The following NWD2 variants were observed in gnomAD, a reference collection of about 807,000 sequenced individuals.
NWD2 encodes NACHT and WD repeat domain containing 2, also known as NACHT and WD repeat domain-containing protein 2.
A neutral mutation model predicts 132.7 loss-of-function variants in NWD2; 37 were observed. The ratio of observed to expected loss-of-function variants is 0.28; its 90% CI spans 0.21 to 0.37. The LOEUF is 0.37. Among genes scored for constraint, NWD2 ranks in the 10% least tolerant of loss-of-function variants. The pLI is 1.00. For synonymous variants in NWD2, 705 were observed against 803.0 expected, an observed-to-expected ratio of 0.88 and a Z score of 2.06; for missense variants, 1,592 against 2,122.4, an observed-to-expected ratio of 0.75 and a Z score of 4.91.
intron 3 of NWD2, among the ~76,000 whole-genome samples, chr4:37,422,749 G>A (rs890906563): frequency 6.6e-6 from 1 of 152,162 alleles, no homozygotes; most frequent in Non-Finnish European, 1.5e-5. Flanking sequence ...CAAGGGAACA[G>A]TTTTATCTCT....
intron 1 of NWD2, among the ~76,000 whole-genome samples, chr4:37,290,504 CTT>C (rs1455377095): frequency 5.9e-5 from 9 of 152,146 alleles, no homozygotes; most frequent in African/African-American, 2.2e-4. Context: ...GCAGATATAA[CTT>C]AGTCCTTCTG....
chr4:37,434,774 AC>A (rs1712271545), intron 5 of NWD2, among the ~76,000 whole-genome samples: 1 of 139,446 alleles, frequency 7.2e-6, no homozygotes, highest in Non-Finnish European at 1.5e-5. Flanking sequence ...AGATAGCTTT[AC>A]TTTTTTTTTT....
At chr4:37,339,928 C>T (rs1012292747) in intron 2 of NWD2, among the ~76,000 whole-genome samples, 5 of 150,992 alleles carry the variant, frequency 3.3e-5, no homozygotes, top group African/African-American at 9.7e-5. Context: ...TTAGAACAAG[C>T]GGTATTTGAA....
intron 1 of NWD2, among the ~76,000 whole-genome samples, chr4:37,286,971 C>T (rs7686760): frequency 0.19 from 28,690 of 152,000 alleles, 3,546 homozygotes; most frequent in Middle Eastern, 0.32. Context: ...TCAGGGTATC[C>T]AGGTTCTCTC....
At chr4:37,408,444 C>T (rs548817939) in intron 3 of NWD2, among the ~76,000 whole-genome samples, 34 of 152,342 alleles carry the variant, frequency 2.2e-4, no homozygotes, top group Non-Finnish European at 4.1e-4. Flanking sequence ...GAGCCCACTG[C>T]AGCTCAGCAA....
intron 3 of NWD2, among the ~76,000 whole-genome samples, chr4:37,371,391 T>A (rs1720227717): frequency 6.6e-6 from 1 of 152,140 alleles, no homozygotes; most frequent in African/African-American, 2.4e-5. Flanking sequence ...TTCAATATGT[T>A]AAGCAATAAG....
At chr4:37,324,514 G>A (rs1179893348) in intron 1 of NWD2, among the ~76,000 whole-genome samples, 2 of 152,052 alleles carry the variant, frequency 1.3e-5, no homozygotes, top group East Asian at 3.9e-4. Flanking sequence ...AAGGGAGGAT[G>A]GGCATTCTGA....
chr4:37,442,727 A>G (rs1457276372), intron 6 of NWD2, among the ~76,000 whole-genome samples: 1 of 152,188 alleles, frequency 6.6e-6, no homozygotes, highest in East Asian at 1.9e-4. Context: ...CTAAATCATA[A>G]AAGATTATAT....
chr4:37,440,637 C>T (rs6531536), intron 6 of NWD2, among the ~76,000 whole-genome samples: 65,074 of 151,982 alleles, frequency 0.43, 14,318 homozygotes, highest in East Asian at 0.58. Context: ...CTGATCCCCA[C>T]CATTTTTCCC....
Position 37,444,203 on chromosome 4 carries a change from C to T in NWD2, c.2215C>T (p.Leu739Phe). Residue 739 changes from leucine to phenylalanine, a missense_variant, in exon 7 of 7, where the codon CTC (leucine) becomes TTC (phenylalanine). Around this residue, in one of 7 missense-constraint regions of NWD2, gnomAD observed 1,071 missense variants for 1,398.0 expected, o/e 0.77. Coordinates refer to ENST00000309447, the MANE Select transcript of NWD2 (RefSeq NM_001144990.2). This position sits in a 1 kb window ranked among gnomAD's most constrained non-coding sequence, Gnocchi z 4.8. ...AGTCTGGGCCAACAGACACCTGCAGCTCATAGCCCAGAAGCTATATCTGCA... is the reference window on the plus strand; with the variant it reads ...AGTCTGGGCCAACAGACACCTGCAGTTCATAGCCCAGAAGCTATATCTGCA... ...LLVWANRHLQ[L>F]IAQKLYLQDD... The T allele has an allele frequency of 1.3e-6, 2 of 1,551,640 alleles. No homozygotes were observed. The highest frequency in any genetic ancestry group is 1.7e-4 in the Middle Eastern group (1 of 5,994).
intron 3 of NWD2, among the ~76,000 whole-genome samples, chr4:37,395,351 C>T (rs12502826): frequency 0.67 from 101,414 of 150,304 alleles, 34,437 homozygotes; most frequent in South Asian, 0.74. Context: ...GTTTGTTTTC[C>T]TTTTTGCATC....
chr4:37,422,707 C>G (rs762439355), intron 3 of NWD2, among the ~76,000 whole-genome samples: 7 of 152,268 alleles, frequency 4.6e-5, no homozygotes, highest in Non-Finnish European at 1.0e-4. Context: ...TCTCATGATG[C>G]ACCAGAGGAG....
intron 1 of NWD2, among the ~76,000 whole-genome samples, chr4:37,274,620 C>T (rs1184631794): frequency 2.0e-5 from 3 of 151,964 alleles, no homozygotes; most frequent in Non-Finnish European, 4.4e-5. Flanking sequence ...CTGGCAGAGA[C>T]ACAACAAAAA....
At chr4:37,389,782 C>T (rs983043676) in intron 3 of NWD2, among the ~76,000 whole-genome samples, 39 of 116,326 alleles carry the variant, frequency 3.4e-4, no homozygotes, top group Non-Finnish European at 6.4e-4. Flanking sequence ...TCAAATCATA[C>T]GCATTTTTTT....
chr4:37,342,945 C>G (rs1037269203), intron 2 of NWD2, among the ~76,000 whole-genome samples: 2 of 152,046 alleles, frequency 1.3e-5, no homozygotes, highest in African/African-American at 4.8e-5. Context: ...ATCATGCCCT[C>G]CTATATATCC....
Position 37,439,409 on chromosome 4 carries a change from C to G in NWD2, c.1296+19C>G. 1 of 1,383,214 alleles carries G rather than the reference C, an allele frequency of 7.2e-7. No homozygotes were observed. The highest frequency in any genetic ancestry group is 1.7e-5 in the South Asian group (1 of 58,668). 85.7% of individuals were successfully genotyped at this position (1,383,214 alleles called of 1,614,324 possible). A position where few individuals can be genotyped will look rare whatever the true frequency, so the allele number is the denominator to read the frequency against. ...AAAGAAGGTAAAAGCCTATTCTTTC[C>G]CGTGTATATTTGTAAAAACTTGTAC... On this transcript the variant is annotated intron_variant, in intron 6 of 6. Transcript: ENST00000309447. This position sits in a 1 kb window ranked among gnomAD's most constrained non-coding sequence, Gnocchi z 4.5.
At chr4:37,314,742 C>T (rs1718924272) in intron 1 of NWD2, among the ~76,000 whole-genome samples, 1 of 151,996 alleles carries the variant, frequency 6.6e-6, no homozygotes, top group African/African-American at 2.4e-5. Context: ...AGCAATTTTT[C>T]TCTCAGTTTT....
chr4:37,314,351 C>G (rs1450235276), intron 1 of NWD2, among the ~76,000 whole-genome samples: 2 of 152,168 alleles, frequency 1.3e-5, no homozygotes, highest in East Asian at 3.9e-4. Context: ...GAAAGATTTG[C>G]AAAGGATTAA....
At chr4:37,305,991 A>G (rs1656225) in intron 1 of NWD2, among the ~76,000 whole-genome samples, 11,053 of 152,166 alleles carry the variant, frequency 0.073, 1,236 homozygotes, top group African/African-American at 0.24. Context: ...TTCTTTGTTG[A>G]GAGACTTCTT....
Sources: gnomAD v4.1 joint callset for allele counts (sites outside exome capture counted in the v4.1 genomes callset) on GRCh38, gnomAD v4.1.1 for gene constraint, gnomAD v4.1.1 regional missense constraint, Gnocchi (gnomAD v3.1) non-coding constraint, MANE v1.5 for transcripts, NCBI Gene and HGNC (gene_info 2026-07-23, HGNC 2026-07-21) for gene names.